Variants in NR2C1 observed in about 807,000 individuals in gnomAD.
NR2C1 encodes TR2 nuclear hormone receptor.
In NR2C1, 33 loss-of-function variants were observed where a neutral mutation model predicts 74.8. That is an observed-to-expected ratio of 0.44 (90% confidence interval 0.33 to 0.59). The LOEUF (loss-of-function observed/expected upper bound fraction) is 0.59. Among genes scored for constraint, NR2C1 ranks in the 20% least tolerant of loss-of-function variants. The pLI is 0.02. For missense variants in NR2C1, 568 were observed against 715.6 expected, an observed-to-expected ratio of 0.79 and a Z score of 2.35; for synonymous variants, 225 against 240.6, an observed-to-expected ratio of 0.94 and a Z score of 0.60.
intron 3 of NR2C1, 46 bp downstream of exon 3, chr12:95,062,462 T>C: frequency 7.5e-7 from 1 of 1,337,702 alleles, no homozygotes; most frequent in Non-Finnish European, 1.0e-6. Context: ...ATTAAAATTT[T>C]TTTTTTATAT....
At chr12:95,023,632 G>GT (rs1434914577) in intron 13 of NR2C1, among the ~76,000 whole-genome samples, 1 of 152,184 alleles carries the variant, frequency 6.6e-6, no homozygotes, top group Non-Finnish European at 1.5e-5. Context: ...CAGTGCTGTT[G>GT]TGAGGATGAA....
intron 9 of NR2C1, among the ~76,000 whole-genome samples, chr12:95,042,986 A>G (rs1871791119): frequency 6.6e-6 from 1 of 151,454 alleles, no homozygotes; most frequent in Non-Finnish European, 1.5e-5. Flanking sequence ...AAATTTAGCC[A>G]GGAGTGATGG....
Position 95,073,532 on chromosome 12 carries a change from G to T in NR2C1, c.-160C>A, listed in dbSNP as rs894041014. On this transcript the variant is annotated 5_prime_UTR_variant, in exon 1 of 14. Transcript: ENST00000333003. ...ATTCACGGCGGAGAGAGCTTTCTGTGTTTGGGTATTTCTGGGGGGTCAGAG... is the reference window on the plus strand; with the variant it reads ...ATTCACGGCGGAGAGAGCTTTCTGTTTTTGGGTATTTCTGGGGGGTCAGAG... The T allele has an allele frequency of 6.6e-6, 1 of 152,294 alleles. No individual in the cohort carries two copies. The highest frequency in any genetic ancestry group is 2.4e-5 in the African/African-American group (1 of 41,468). The allele number at this position is 152,294 out of a possible 1,614,324, so 9.4% of individuals were successfully genotyped here.
At chr12:95,071,008 T>C (rs1361775548) in intron 1 of NR2C1, among the ~76,000 whole-genome samples, 1 of 152,204 alleles carries the variant, frequency 6.6e-6, no homozygotes. Flanking sequence ...AAGACCAGCC[T>C]GGCCAACATG....
At chr12:95,039,434 C>T (rs892623645) in intron 10 of NR2C1, among the ~76,000 whole-genome samples, 2 of 152,230 alleles carry the variant, frequency 1.3e-5, no homozygotes, top group Admixed American at 6.5e-5. Flanking sequence ...GAATAGGGTC[C>T]TAGGAGTTGA....
At chr12:95,066,664 T>C (rs1173450114) in intron 2 of NR2C1, among the ~76,000 whole-genome samples, 2 of 152,194 alleles carry the variant, frequency 1.3e-5, no homozygotes, top group Non-Finnish European at 2.9e-5. Flanking sequence ...TGCATAATTT[T>C]GTAACATTAT....
intron 10 of NR2C1, 30 bp downstream of exon 10, chr12:95,040,446 C>A: frequency 2.5e-6 from 4 of 1,579,270 alleles, no homozygotes; most frequent in Non-Finnish European, 2.6e-6. Context: ...TACAAAATCA[C>A]ATTTATATTC....
In NR2C1 at chr12:95,021,442, T is replaced by C. The variant is rs1868768005; in HGVS notation, c.*787A>G. ...GGCAGGATCACTTGAGCCCAGGAGTTTGAGACCAGCCTGGGCAACAGTGAA... is the reference window on the plus strand; with the variant it reads ...GGCAGGATCACTTGAGCCCAGGAGTCTGAGACCAGCCTGGGCAACAGTGAA... On this transcript the variant is annotated 3_prime_UTR_variant, in exon 14 of 14. Transcript: ENST00000333003. 6.6e-6 allele frequency: 1 copy of C among 151,942 alleles called. No individual in the cohort carries two copies. Among genetic ancestry groups the C allele is most frequent in the Non-Finnish European group, 1.5e-5 (1 of 67,978 alleles). 9.4% of individuals were successfully genotyped at this position (151,942 alleles called of 1,614,324 possible). A position where few individuals can be genotyped will look rare whatever the true frequency, so the allele number is the denominator to read the frequency against.
At chr12:95,072,395 G>C (rs985417113) in intron 1 of NR2C1, among the ~76,000 whole-genome samples, 6 of 148,402 alleles carry the variant, frequency 4.0e-5, no homozygotes, top group Non-Finnish European at 5.9e-5. Context: ...GGAGGTTGCA[G>C]TGAGCCGAGA....
At chr12:95,031,795 A>G (rs1342310031) in intron 10 of NR2C1, among the ~76,000 whole-genome samples, 1 of 152,266 alleles carries the variant, frequency 6.6e-6, no homozygotes, top group African/African-American at 2.4e-5. Flanking sequence ...TGTTCTTAAA[A>G]GCAAAAGCAT....
At chr12:95,033,797 A>G (rs1033320343) in intron 10 of NR2C1, among the ~76,000 whole-genome samples, 4 of 152,224 alleles carry the variant, frequency 2.6e-5, no homozygotes, top group Non-Finnish European at 5.9e-5. Flanking sequence ...TGGTACACAG[A>G]AAGAATTCTG....
intron 2 of NR2C1, among the ~76,000 whole-genome samples, chr12:95,064,078 C>A (rs1249671411): frequency 1.3e-5 from 2 of 149,434 alleles, no homozygotes; most frequent in African/African-American, 4.9e-5. Flanking sequence ...GCCTATAACC[C>A]CAGCACTTTG....
At position 95,073,569 on chromosome 12, in the gene NR2C1, T is replaced by G. The variant is rs899039904; in HGVS notation, c.-197A>C. On this transcript the variant is annotated 5_prime_UTR_variant, in exon 1 of 14. Coordinates refer to ENST00000333003, the MANE Select transcript of NR2C1 (RefSeq NM_003297.4). ...CTGGGGGGTCAGAGTTCGTGACCTC[T>G]TTCTCGGCTCGGCGGCGCGCTATCC... 1 of 152,288 alleles carries G rather than the reference T, an allele frequency of 6.6e-6. No individual in the cohort carries two copies. Among genetic ancestry groups the G allele is most frequent in the Non-Finnish European group, 1.5e-5 (1 of 68,074 alleles). 9.4% of individuals were successfully genotyped at this position (152,288 alleles called of 1,614,324 possible).
intron 10 of NR2C1, among the ~76,000 whole-genome samples, chr12:95,039,069 TAAAC>T (rs1196440078): frequency 1.3e-5 from 2 of 151,986 alleles, no homozygotes; most frequent in Admixed American, 6.6e-5. Context: ...ACTCATCTCT[TAAAC>T]AAAAAAAACC....
chr12:95,033,267 T>C (rs539557697), intron 10 of NR2C1, among the ~76,000 whole-genome samples: 36 of 152,234 alleles, frequency 2.4e-4, no homozygotes, highest in Non-Finnish European at 4.3e-4. Flanking sequence ...TCAAGTATTT[T>C]ATATAAATAT....
At chr12:95,055,273 G>A (rs1231532504) in intron 7 of NR2C1, among the ~76,000 whole-genome samples, 1 of 152,236 alleles carries the variant, frequency 6.6e-6, no homozygotes, top group East Asian at 1.9e-4. Context: ...AGAGCACAGT[G>A]TCTGGGCAGA....
At position 95,040,583 on chromosome 12, in the gene NR2C1, A is replaced by G. The variant is rs757216462; in HGVS notation, c.1146T>C (p.Ser382=). The change falls in exon 10 of 14, where the codon TCT becomes TCC. Residue 382 remains serine, a synonymous_variant. Coordinates refer to ENST00000333003, the MANE Select transcript of NR2C1 (RefSeq NM_003297.4). ...GCACATTCAGGTACTCAGGCATAGG[A>G]GAAGGCATGGTGAGCTAGTATGAAC... The part of the protein sequence containing the change: ...SHVAFRLTMP[S]PMPEYLNVHY... 5 of 1,612,266 alleles carry G rather than the reference A, an allele frequency of 3.1e-6. No homozygotes were observed. The South Asian group carries it at 4.4e-5, about 14-fold the overall frequency.
At chr12:95,035,149 A>AT (rs1456016710) in intron 10 of NR2C1, among the ~76,000 whole-genome samples, 1 of 152,200 alleles carries the variant, frequency 6.6e-6, no homozygotes. Flanking sequence ...GAAGAAGTCT[A>AT]TGAGTGTAAA....
chr12:95,036,484 C>G (rs1199638794), intron 10 of NR2C1, among the ~76,000 whole-genome samples: 2 of 151,190 alleles, frequency 1.3e-5, no homozygotes, highest in African/African-American at 2.4e-5. Context: ...GTATTTTTCT[C>G]TAACTACTAC....
Sources: gnomAD v4.1 joint callset for allele counts (sites outside exome capture counted in the v4.1 genomes callset) on GRCh38, gnomAD v4.1.1 for gene constraint, MANE v1.5 for transcripts, NCBI Gene and HGNC (gene_info 2026-07-23, HGNC 2026-07-21) for gene names.